Variants in COX10 observed in about 807,000 individuals in gnomAD.
The protein encoded by COX10 is cytochrome c oxidase assembly factor heme A:farnesyltransferase COX10.
Under a neutral mutation model 37.3 loss-of-function variants are expected in COX10, and 27 were observed. The observed-to-expected ratio is 0.72, with a 90% CI of 0.53 to 1.00. COX10 has a LOEUF of 1.00. Ranked by LOEUF, COX10 falls within the 50% of genes least tolerant of loss-of-function variation. The pLI, the probability that COX10 is intolerant of heterozygous loss-of-function variation, is 0.00. For synonymous variants in COX10, 222 were observed against 229.1 expected, an observed-to-expected ratio of 0.97 and a Z score of 0.28; for missense variants, 475 against 563.2, an observed-to-expected ratio of 0.84 and a Z score of 1.59.
intron 2 of COX10, among the ~76,000 whole-genome samples, chr17:14,075,322 A>G (rs1322732758): frequency 6.6e-6 from 1 of 152,160 alleles, no homozygotes; most frequent in Non-Finnish European, 1.5e-5. Context: ...CTCTTCATTC[A>G]TGAGTTTATA....
chr17:14,123,669 A>G (rs917856556), intron 4 of COX10, among the ~76,000 whole-genome samples: 1 of 152,172 alleles, frequency 6.6e-6, no homozygotes, highest in East Asian at 1.9e-4. Context: ...TTTAAGGTAA[A>G]TAATGTATCC....
Position 14,207,127 on chromosome 17 carries a change from C to G in COX10, c.1246C>G (p.Leu416Val), listed in dbSNP as rs774247358. 3 of 1,612,162 alleles carry G rather than the reference C, an allele frequency of 1.9e-6. No homozygotes were observed. The highest frequency in any genetic ancestry group is 2.5e-6 in the Non-Finnish European group (3 of 1,179,806). Residue 416 changes from leucine (L) to valine (V), a missense_variant, in exon 7 of 7, where the codon CTG (leucine) becomes GTG (valine). Transcript: ENST00000261643. Reference sequence around the variant, plus strand: ...CTCGCGGAGACTGTTCTTCTGCAGCCTGTGGCACCTGCCGCTGCTGCTGCT... The same window carrying G: ...CTCGCGGAGACTGTTCTTCTGCAGCGTGTGGCACCTGCCGCTGCTGCTGCT... ...RSSRRLFFCS[L>V]WHLPLLLLLM...
intron 4 of COX10, among the ~76,000 whole-genome samples, chr17:14,141,240 A>G (rs922027089): frequency 2.0e-4 from 31 of 152,176 alleles, no homozygotes; most frequent in African/African-American, 7.2e-4. Flanking sequence ...TATACCTATA[A>G]AGACTACCTC....
chr17:14,190,080 G>T (rs1906154346), intron 5 of COX10, among the ~76,000 whole-genome samples: 1 of 152,208 alleles, frequency 6.6e-6, no homozygotes, highest in Non-Finnish European at 1.5e-5. Flanking sequence ...GAGGGCATTT[G>T]TCACTGTTGT....
chr17:14,099,786 T>A (rs568868616), intron 3 of COX10, among the ~76,000 whole-genome samples: 1 of 152,048 alleles, frequency 6.6e-6, no homozygotes, highest in Non-Finnish European at 1.5e-5. Flanking sequence ...CAAGTCTCCC[T>A]CCTGAGCTTT....
At chr17:14,149,896 T>C (rs1904838589) in intron 4 of COX10, among the ~76,000 whole-genome samples, 2 of 151,998 alleles carry the variant, frequency 1.3e-5, no homozygotes, top group South Asian at 4.2e-4. Context: ...GATCACAGGA[T>C]TGCCAGAGAG....
At chr17:14,100,457 A>G (rs927041364) in intron 3 of COX10, among the ~76,000 whole-genome samples, 4 of 152,168 alleles carry the variant, frequency 2.6e-5, no homozygotes, top group African/African-American at 4.8e-5. Context: ...AACTGGGGAG[A>G]CTTACGTTAG....
At chr17:14,124,285 A>G (rs1916288118) in intron 4 of COX10, among the ~76,000 whole-genome samples, 1 of 152,162 alleles carries the variant, frequency 6.6e-6, no homozygotes, top group Admixed American at 6.6e-5. Flanking sequence ...AGAGATTTTT[A>G]CTTAGAGTTT....
chr17:14,158,681 C>T (rs923956831), intron 4 of COX10, among the ~76,000 whole-genome samples: 3 of 152,042 alleles, frequency 2.0e-5, no homozygotes, highest in Non-Finnish European at 4.4e-5. Context: ...TTGGGAAACA[C>T]TGCCTAAAGT....
intron 5 of COX10, among the ~76,000 whole-genome samples, chr17:14,174,877 TAAAC>T (rs1164945641): frequency 6.6e-6 from 1 of 151,014 alleles, no homozygotes; most frequent in African/African-American, 2.4e-5. Context: ...GATGAATAGA[TAAAC>T]AAAATACGGC....
At chr17:14,105,680 A>G (rs749140233) in intron 4 of COX10, among the ~76,000 whole-genome samples, 7 of 152,222 alleles carry the variant, frequency 4.6e-5, no homozygotes, top group Non-Finnish European at 1.0e-4. Context: ...AATATAGATA[A>G]GCAAAAATAA....
Position 14,207,478 on chromosome 17 carries a change from A to C in COX10, c.*265A>C. 1 of 450,806 alleles carries C rather than the reference A, an allele frequency of 2.2e-6. No individual in the cohort carries two copies. The highest frequency in any genetic ancestry group is 3.9e-6 in the Non-Finnish European group (1 of 254,054). 27.9% of individuals were successfully genotyped at this position (450,806 alleles called of 1,614,324 possible). ...CTTTATACATCTCTCCTCCAACCCCACCCTCTATTCTGTTTCTTCCTCCTC... is the reference window on the plus strand; with the variant it reads ...CTTTATACATCTCTCCTCCAACCCCCCCCTCTATTCTGTTTCTTCCTCCTC... On this transcript the variant is annotated 3_prime_UTR_variant, in exon 7 of 7. Transcript: ENST00000261643.
At chr17:14,195,249 A>G (rs1417177855) in intron 6 of COX10, among the ~76,000 whole-genome samples, 2 of 152,188 alleles carry the variant, frequency 1.3e-5, no homozygotes, top group African/African-American at 2.4e-5. Context: ...GGTACCTTCT[A>G]TTTTACAGGT....
intron 4 of COX10, among the ~76,000 whole-genome samples, chr17:14,112,919 A>C (rs1916035818): frequency 6.6e-6 from 1 of 152,150 alleles, no homozygotes. Context: ...CGAGAAGGGC[A>C]TATGTGCTTT....
intron 4 of COX10, among the ~76,000 whole-genome samples, chr17:14,156,643 C>T: frequency 6.6e-6 from 1 of 152,192 alleles, no homozygotes; most frequent in Admixed American, 6.5e-5. Flanking sequence ...GCCTCCTACG[C>T]ATTTGTTTGT....
At chr17:14,112,267 C>T (rs1253585060) in intron 4 of COX10, among the ~76,000 whole-genome samples, 1 of 152,106 alleles carries the variant, frequency 6.6e-6, no homozygotes, top group Admixed American at 6.6e-5. Flanking sequence ...TTCACACTTC[C>T]ACAGAATTTT....
chr17:14,107,724 C>T (rs190892058), intron 4 of COX10, among the ~76,000 whole-genome samples: 1 of 151,952 alleles, frequency 6.6e-6, no homozygotes, highest in Non-Finnish European at 1.5e-5. Context: ...CATTTCACAT[C>T]CATTATTACT....
At chr17:14,153,763 G>T (rs1389475608) in intron 4 of COX10, among the ~76,000 whole-genome samples, 1 of 152,178 alleles carries the variant, frequency 6.6e-6, no homozygotes, top group East Asian at 1.9e-4. Flanking sequence ...AGAGTGAAAA[G>T]CATATGTCCA....
intron 4 of COX10, among the ~76,000 whole-genome samples, chr17:14,141,128 A>G (rs182775009): frequency 2.0e-5 from 3 of 152,200 alleles, no homozygotes; most frequent in African/African-American, 7.2e-5. Flanking sequence ...TCTGTTTTAC[A>G]TCTCACTTTT....
Sources: allele counts gnomAD v4.1 joint callset (sites outside exome capture counted in the v4.1 genomes callset), GRCh38; gene constraint gnomAD v4.1.1; transcripts MANE v1.5; gene names NCBI Gene and HGNC (gene_info 2026-07-23, HGNC 2026-07-21).